Variants in OPCML observed in about 807,000 individuals in gnomAD.
The protein encoded by OPCML is opioid binding protein/cell adhesion molecule like, also known as opioid-binding protein/cell adhesion molecule.
A neutral mutation model predicts 37.8 loss-of-function variants in OPCML; 13 were observed. The ratio of observed to expected loss-of-function variants is 0.34; its 90% CI spans 0.22 to 0.55. The LOEUF (loss-of-function observed/expected upper bound fraction) is 0.55, where lower values mean the gene tolerates loss of function less well. Ranked by LOEUF, OPCML falls within the 20% of genes least tolerant of loss-of-function variation. The pLI, the probability that OPCML is intolerant of heterozygous loss-of-function variation, is 0.91. For synonymous variants in OPCML, 176 were observed against 168.8 expected (o/e 1.04, Z -0.33); for missense variants, 341 against 435.6 (o/e 0.78, Z 1.93).
chr11:132,560,867 T>C (rs1347492350), intron 3 of OPCML, among the ~76,000 whole-genome samples: 2 of 152,236 alleles, frequency 1.3e-5, no homozygotes, highest in African/African-American at 4.8e-5. Context: ...CTGTGGGTTG[T>C]CTGTTAACTT....
At chr11:132,950,589 T>G (rs1201518716) in intron 1 of OPCML, among the ~76,000 whole-genome samples, 2 of 152,206 alleles carry the variant, frequency 1.3e-5, no homozygotes, top group Non-Finnish European at 2.9e-5. Context: ...CATGGAGGAC[T>G]GAGGGTGATG....
At chr11:133,519,657 A>G (rs947049642) in intron 1 of OPCML, among the ~76,000 whole-genome samples, 7 of 152,334 alleles carry the variant, frequency 4.6e-5, no homozygotes, top group African/African-American at 1.4e-4. Context: ...CTTCAGCCAC[A>G]GCATAAAATA....
At chr11:133,424,322 G>GTAT (rs1363013031) in intron 1 of OPCML, among the ~76,000 whole-genome samples, 1 of 151,986 alleles carries the variant, frequency 6.6e-6, no homozygotes, top group Non-Finnish European at 1.5e-5. Flanking sequence ...TTCAATCATT[G>GTAT]TATTATTATT....
At position 132,473,883 on chromosome 11, in the gene OPCML, G is replaced by T. The variant is rs61908174; in HGVS notation, c.506-36524C>A. 7.5e-3 allele frequency among the ~76,000 whole-genome samples: 1,140 copies of T among 152,212 alleles called. 7 individuals carry two copies. Among genetic ancestry groups the T allele is most frequent in the Non-Finnish European group, 0.011 (775 of 68,026 alleles). ...GAATGGCTTTACATAAGGCCCAAAAGTCATGGCACAGATGAAAATCCAAAC... is the reference window on the plus strand; with the variant it reads ...GAATGGCTTTACATAAGGCCCAAAATTCATGGCACAGATGAAAATCCAAAC... On this transcript the variant is annotated intron_variant, in intron 4 of 7. Transcript: ENST00000524381.
chr11:133,240,888 G>A (rs760902079), intron 1 of OPCML, among the ~76,000 whole-genome samples: 1 of 152,150 alleles, frequency 6.6e-6, no homozygotes, highest in Non-Finnish European at 1.5e-5. Context: ...GTCAGCACCC[G>A]TGCATCTTTT....
intron 1 of OPCML, among the ~76,000 whole-genome samples, chr11:133,436,680 A>C (rs986511861): frequency 6.6e-6 from 1 of 152,232 alleles, no homozygotes; most frequent in African/African-American, 2.4e-5. Flanking sequence ...TTTAGGGCCC[A>C]GTTCCACTGC....
chr11:132,706,153 A>G (rs1944027094), intron 2 of OPCML, among the ~76,000 whole-genome samples: 1 of 152,124 alleles, frequency 6.6e-6, no homozygotes, highest in Admixed American at 6.5e-5. Flanking sequence ...TACAAGGGGG[A>G]GCAAAGCTGA....
chr11:133,190,099 C>T (rs998086583), intron 1 of OPCML, among the ~76,000 whole-genome samples: 1 of 152,202 alleles, frequency 6.6e-6, no homozygotes, highest in Non-Finnish European at 1.5e-5. Context: ...CAGACAGTAG[C>T]ACACACAAAT....
chr11:132,725,136 CT>C (rs1944830329), intron 2 of OPCML, among the ~76,000 whole-genome samples: 3 of 152,226 alleles, frequency 2.0e-5, no homozygotes, highest in Admixed American at 2.0e-4. Flanking sequence ...CATTTCTTTT[CT>C]GCACTGCCCT....
intron 1 of OPCML, among the ~76,000 whole-genome samples, chr11:133,312,369 G>T (rs775149944): frequency 1.3e-5 from 2 of 152,094 alleles, no homozygotes; most frequent in African/African-American, 4.8e-5. Context: ...GACTTGTTTC[G>T]CACGGATTCT....
chr11:132,468,260 C>A (rs1278651471), intron 4 of OPCML, among the ~76,000 whole-genome samples: 1 of 152,160 alleles, frequency 6.6e-6, no homozygotes, highest in Non-Finnish European at 1.5e-5. Context: ...CCCCTGTAGC[C>A]AAAGTACACC....
intron 1 of OPCML, among the ~76,000 whole-genome samples, chr11:133,131,839 T>C (rs1345820181): frequency 6.6e-6 from 1 of 152,184 alleles, no homozygotes; most frequent in Non-Finnish European, 1.5e-5. Context: ...TTTTGACAAA[T>C]GTGTTAAAGC....
chr11:133,044,025 C>A (rs1294365736), intron 1 of OPCML, among the ~76,000 whole-genome samples: 1 of 152,198 alleles, frequency 6.6e-6, no homozygotes, highest in Non-Finnish European at 1.5e-5. Context: ...TGACATATGG[C>A]CAGATCCTTA....
At chr11:133,365,093 C>T (rs1351933900) in intron 1 of OPCML, among the ~76,000 whole-genome samples, 1 of 151,508 alleles carries the variant, frequency 6.6e-6, no homozygotes, top group Non-Finnish European at 1.5e-5. Context: ...CTTATATACC[C>T]ATTCTGCCCC....
chr11:132,587,350 G>T (rs2096475161), intron 3 of OPCML, among the ~76,000 whole-genome samples: 1 of 152,220 alleles, frequency 6.6e-6, no homozygotes, highest in Admixed American at 6.5e-5. Flanking sequence ...AGTCAGAGCT[G>T]TCCTTCATGG....
intron 2 of OPCML, among the ~76,000 whole-genome samples, chr11:132,658,527 G>A (rs1161184216): frequency 6.6e-6 from 1 of 152,124 alleles, no homozygotes. Context: ...TCTAGAATGG[G>A]GAAAGCACCT....
intron 3 of OPCML, among the ~76,000 whole-genome samples, chr11:132,610,890 C>T (rs2137841849): frequency 6.6e-6 from 1 of 152,270 alleles, no homozygotes; most frequent in African/African-American, 2.4e-5. Context: ...TTCTGTCTTT[C>T]CTATGGCTTT....
chr11:132,960,960 G>A (rs556251380), intron 1 of OPCML, among the ~76,000 whole-genome samples: 23 of 152,290 alleles, frequency 1.5e-4, no homozygotes, highest in Non-Finnish European at 3.1e-4. Flanking sequence ...GAAGCAGCAG[G>A]TGCGGCGATG....
rs554289904 is a variant in OPCML, at chr11:132,633,242, G to A, written c.379+23845C>T. On this transcript the variant is annotated intron_variant, in intron 3 of 7. Transcript: ENST00000524381. ...TTCTGAGACAGAGTCTCGCTCTGTC[G>A]CCCAAGCTGGAGTTCAGTGGTGTGA... is the stretch of plus-strand genomic sequence containing the variant. 2.1e-3 allele frequency among the ~76,000 whole-genome samples: 312 copies of A among 152,086 alleles called. 3 individuals are homozygous for A. The highest frequency in any genetic ancestry group is 3.7e-3 in the African/African-American group (155 of 41,502).
Sources: allele counts gnomAD v4.1 joint callset (sites outside exome capture counted in the v4.1 genomes callset), GRCh38; gene constraint gnomAD v4.1.1; transcripts MANE v1.5; gene names NCBI Gene and HGNC (gene_info 2026-07-23, HGNC 2026-07-21).